The following PTPRN2 variants were observed in gnomAD, a reference collection of about 807,000 sequenced individuals.
PTPRN2 encodes protein tyrosine phosphatase receptor type N2, also known as receptor-type tyrosine-protein phosphatase N2.
A neutral mutation model predicts 118.8 loss-of-function variants in PTPRN2; 74 were observed. The ratio of observed to expected loss-of-function variants is 0.62; its 90% CI spans 0.52 to 0.76. The LOEUF is 0.76. PTPRN2 is among the 30% of genes least tolerant of loss of function. PTPRN2 has a pLI of 0.00. For missense variants in PTPRN2, 1,481 were observed against 1,394.4 expected, an observed-to-expected ratio of 1.06 and a Z score of -0.99; for synonymous variants, 641 against 608.0, an observed-to-expected ratio of 1.05 and a Z score of -0.80.
chr7:157,720,349 C>A (rs577952929), intron 12 of PTPRN2, among the ~76,000 whole-genome samples: 8 of 152,350 alleles, frequency 5.3e-5, no homozygotes, highest in East Asian at 1.9e-4. Context: ...AATGTCCGAC[C>A]TCTGGGGCCC....
intron 2 of PTPRN2, among the ~76,000 whole-genome samples, chr7:158,347,033 T>A (rs959704626): frequency 6.6e-6 from 1 of 152,236 alleles, no homozygotes; most frequent in African/African-American, 2.4e-5. Context: ...TTGCAAATAT[T>A]TTCTCCCCAT....
chr7:158,332,802 AC>A (rs1804764625), intron 2 of PTPRN2, among the ~76,000 whole-genome samples: 1 of 150,134 alleles, frequency 6.7e-6, no homozygotes, highest in East Asian at 2.0e-4. Flanking sequence ...ATGCCTGCAG[AC>A]GTCACTCACG....
At chr7:158,300,571 A>ACCCAGTCCCGCAGCGCCTCGCCCGCCC (rs1487873865) in intron 3 of PTPRN2, among the ~76,000 whole-genome samples, 15 of 151,980 alleles carry the variant, frequency 9.9e-5, no homozygotes, top group African/African-American at 2.9e-4. Context: ...CTCGCCCGCC[A>ACCCAGTCCCGCAGCGCCTCGCCCGCCC]CCCAGTCCCG....
intron 6 of PTPRN2, among the ~76,000 whole-genome samples, chr7:158,160,216 G>T (rs1188603484): frequency 1.3e-5 from 2 of 152,170 alleles, no homozygotes; most frequent in African/African-American, 2.4e-5. Context: ...CTTCATTTTG[G>T]GTGTTTCTGG....
intron 5 of PTPRN2, 111 bp downstream of exon 5, chr7:158,192,216 C>T (rs979432250): frequency 5.3e-5 from 67 of 1,253,212 alleles, no homozygotes; most frequent in African/African-American, 2.2e-4. Flanking sequence ...CCCGCTGGCC[C>T]GGGAAACAGG....
chr7:157,810,217 C>A (rs192153574), intron 12 of PTPRN2, among the ~76,000 whole-genome samples: 4 of 152,358 alleles, frequency 2.6e-5, no homozygotes, highest in African/African-American at 9.6e-5. Flanking sequence ...GCAAAGGCTG[C>A]GGACAGTGAG....
intron 11 of PTPRN2, among the ~76,000 whole-genome samples, chr7:157,908,466 T>A (rs1797902425): frequency 6.6e-6 from 1 of 152,240 alleles, no homozygotes; most frequent in African/African-American, 2.4e-5. Flanking sequence ...GATTTCTGCA[T>A]AAAGAAGTAT....
At chr7:158,167,381 G>T in intron 5 of PTPRN2, 90 bp from the exon 6 acceptor site, 1 of 1,473,310 alleles carries the variant, frequency 6.8e-7, no homozygotes, top group Admixed American at 2.1e-5. Flanking sequence ...AGTTTTCAAG[G>T]TCCTAAACAG....
chr7:157,963,172 A>C (rs1801662949), intron 11 of PTPRN2, among the ~76,000 whole-genome samples: 1 of 152,260 alleles, frequency 6.6e-6, no homozygotes, highest in Admixed American at 6.5e-5. Flanking sequence ...TGAGCCGGGC[A>C]GTCTCCTGGC....
At chr7:158,261,764 C>A (rs529170347) in intron 3 of PTPRN2, among the ~76,000 whole-genome samples, 86 of 152,348 alleles carry the variant, frequency 5.6e-4, no homozygotes, top group Middle Eastern at 3.4e-3. Flanking sequence ...CTCTTCAGGG[C>A]ACCGCCATGA....
intron 3 of PTPRN2, among the ~76,000 whole-genome samples, chr7:158,292,584 C>T (rs577256592): frequency 1.2e-4 from 19 of 152,298 alleles, no homozygotes; most frequent in South Asian, 2.1e-4. Context: ...GCAAACATCA[C>T]GGGTGCACTT....
chr7:157,964,337 C>T lies in PTPRN2; in HGVS notation c.1724-65600G>A, dbSNP rs867945806. Among the ~76,000 whole-genome samples the T allele has an allele frequency of 6.6e-6, 1 of 152,054 alleles. No individual in the cohort carries two copies. The highest frequency in any genetic ancestry group is 2.4e-5 in the African/African-American group (1 of 41,424). Reference sequence around the variant, plus strand: ...AGATGTGGAAGCTGGACCCCACCCCCCAGGCTAATTCATCAGCAAGATGTT... The same window carrying T: ...AGATGTGGAAGCTGGACCCCACCCCTCAGGCTAATTCATCAGCAAGATGTT... On this transcript the variant is annotated intron_variant, in intron 11 of 22. Transcript: ENST00000389418. This position sits in a 1 kb window ranked among gnomAD's most constrained non-coding sequence, Gnocchi z 9.0.
chr7:158,049,483 G>A (rs1466259984), intron 11 of PTPRN2, among the ~76,000 whole-genome samples: 1 of 152,208 alleles, frequency 6.6e-6, no homozygotes, highest in Non-Finnish European at 1.5e-5. Flanking sequence ...CCTGAAGCCA[G>A]GACTCACTCT....
intron 3 of PTPRN2, among the ~76,000 whole-genome samples, chr7:158,233,584 C>G (rs1396535695): frequency 2.0e-5 from 3 of 152,070 alleles, no homozygotes; most frequent in Non-Finnish European, 4.4e-5. Flanking sequence ...TAGTCCCTAT[C>G]AAAATGCCAA....
At chr7:157,847,118 G>A (rs1424043538) in intron 12 of PTPRN2, among the ~76,000 whole-genome samples, 4 of 132,712 alleles carry the variant, frequency 3.0e-5, no homozygotes, top group Non-Finnish European at 3.2e-5. Flanking sequence ...ATGTGTGCCC[G>A]ATGTCTACAG....
intron 11 of PTPRN2, among the ~76,000 whole-genome samples, chr7:158,042,154 C>T (rs949029895): frequency 2.0e-5 from 3 of 152,150 alleles, no homozygotes; most frequent in African/African-American, 7.2e-5. Context: ...CAAGATGCCA[C>T]GGGCACTGAA....
At chr7:158,073,304 C>T (rs768614465) in intron 11 of PTPRN2, among the ~76,000 whole-genome samples, 5 of 152,338 alleles carry the variant, frequency 3.3e-5, no homozygotes, top group South Asian at 2.1e-4. Flanking sequence ...GCCTGTGAGC[C>T]GCGGCTGCAG....
Position 157,929,278 on chromosome 7 carries a change from G to A in PTPRN2, c.1724-30541C>T, listed in dbSNP as rs76656337. 6.5e-3 allele frequency among the ~76,000 whole-genome samples: 994 copies of A among 152,220 alleles called. 14 individuals are homozygous for A. Among genetic ancestry groups the A allele is most frequent in the African/African-American group, 0.022 (917 of 41,534 alleles). Reference sequence around the variant, plus strand: ...AGTACGCCGTGGCAGCCTGCCATCCGCTCTCTGCTCCTCTGACTACCTTCA... The same window carrying A: ...AGTACGCCGTGGCAGCCTGCCATCCACTCTCTGCTCCTCTGACTACCTTCA... On this transcript the variant is annotated intron_variant, in intron 11 of 22. Transcript: ENST00000389418. This position sits in a 1 kb window ranked among gnomAD's most constrained non-coding sequence, Gnocchi z 4.4.
intron 2 of PTPRN2, among the ~76,000 whole-genome samples, chr7:158,468,936 A>G (rs1459657474): frequency 1.6e-4 from 25 of 152,106 alleles, no homozygotes; most frequent in Middle Eastern, 3.5e-3. Context: ...TGGTGGATCA[A>G]CAGTAGGCAC....
Sources: gnomAD v4.1 joint callset for allele counts (sites outside exome capture counted in the v4.1 genomes callset) on GRCh38, gnomAD v4.1.1 for gene constraint, Gnocchi (gnomAD v3.1) non-coding constraint, MANE v1.5 for transcripts, NCBI Gene and HGNC (gene_info 2026-07-23, HGNC 2026-07-21) for gene names.